ISCA1: variants seen among roughly 807,000 people sequenced by gnomAD.
ISCA1 encodes the protein iron-sulfur cluster assembly 1, also known as iron-sulfur cluster assembly 1 homolog, mitochondrial.
In ISCA1, 9 loss-of-function variants were observed where a neutral mutation model predicts 14.7. The ratio of observed to expected loss-of-function variants is 0.61; its 90% CI spans 0.37 to 1.07. ISCA1 has a LOEUF of 1.07. ISCA1 is among the 50% of genes least tolerant of loss of function. The pLI, the probability that ISCA1 is intolerant of heterozygous loss-of-function variation, is 0.01. For missense variants in ISCA1, 102 were observed against 150.1 expected (o/e 0.68, Z 1.67); for synonymous variants, 38 against 54.3 (o/e 0.70, Z 1.32).
At chr9:86,281,620 C>T (rs1314132213) in intron 1 of ISCA1, among the ~76,000 whole-genome samples, 2 of 152,200 alleles carry the variant, frequency 1.3e-5, no homozygotes, top group African/African-American at 4.8e-5. Flanking sequence ...ATTTTCCTTC[C>T]ACTAAAAAAC....
Position 86,272,027 on chromosome 9 carries a change from T to C in ISCA1, c.221A>G (p.Asp74Gly), listed in dbSNP as rs1198024496. The change falls in exon 3 of 4, where the codon GAT (aspartate) becomes GGT (glycine). Residue 74 changes from aspartate to glycine, a missense_variant. Physicochemically the swap from Asp to Gly is moderately conservative, Grantham distance 94. Coordinates refer to ENST00000375991, the MANE Select transcript of ISCA1 (RefSeq NM_030940.4). Reference sequence around the variant, plus strand: ...CTCACCATCTTGAATAACTTCTTCATCAGAATCTCCTTTTGTCTTTGTATA... The same window carrying C: ...CTCACCATCTTGAATAACTTCTTCACCAGAATCTCCTTTTGTCTTTGTATA... Reference protein sequence around the residue: ...LEYTKTKGDSDEEVIQDGVRV... With the variant: ...LEYTKTKGDSGEEVIQDGVRV... 1 of 1,596,874 alleles carries C rather than the reference T, an allele frequency of 6.3e-7. No homozygotes were observed. Among genetic ancestry groups the C allele is most frequent in the Admixed American group, 1.7e-5 (1 of 59,120 alleles).
intron 2 of ISCA1, among the ~76,000 whole-genome samples, chr9:86,273,051 C>T (rs114494692): frequency 1.3e-5 from 2 of 152,234 alleles, no homozygotes; most frequent in African/African-American, 4.8e-5. Context: ...TCTACAAAGC[C>T]GAATTCTTGT....
At chr9:86,272,166 AT>A in intron 2 of ISCA1, 54 bp from the exon 3 acceptor site, 4 of 1,043,112 alleles carry the variant, frequency 3.8e-6, no homozygotes, top group Non-Finnish European at 5.9e-6. Context: ...AGATTAAACA[AT>A]TATACTAATA....
chr9:86,274,677 AC>A (rs1171166205), intron 1 of ISCA1, among the ~76,000 whole-genome samples: 1 of 151,680 alleles, frequency 6.6e-6, no homozygotes, highest in Non-Finnish European at 1.5e-5. Flanking sequence ...TATTAATCCT[AC>A]TGCTTTTTTT....
In ISCA1 at chr9:86,282,420, C is replaced by T. The variant is rs1825533480; in HGVS notation, c.39G>A (p.Val13=). The change falls in exon 1 of 4, where the codon GTG becomes GTA. Residue 13 remains valine (V), a synonymous_variant. Coordinates refer to ENST00000375991, the MANE Select transcript of ISCA1 (RefSeq NM_030940.4). Reference sequence around the variant, plus strand: ...GGGTGGGCTGCAGCTTCCTCTTGCTCACAGCCCGGACAGTTGCCCGGACTA... The same window carrying T: ...GGGTGGGCTGCAGCTTCCTCTTGCTTACAGCCCGGACAGTTGCCCGGACTA... ...ASLVRATVRA[V]SKRKLQPTRA... 5 of 1,555,940 alleles carry T rather than the reference C, an allele frequency of 3.2e-6. No individual in the cohort carries two copies. The highest frequency in any genetic ancestry group is 4.3e-6 in the Non-Finnish European group (5 of 1,149,874).
chr9:86,266,273 T>C (rs1825292379), intron 3 of ISCA1, 82 bp from the exon 4 acceptor site: 8 of 1,507,910 alleles, frequency 5.3e-6, no homozygotes, highest in Non-Finnish European at 7.1e-6. Flanking sequence ...GAACTTGAAA[T>C]AGTGACTATC....
At chr9:86,271,743 G>T (rs2131222726) in intron 3 of ISCA1, among the ~76,000 whole-genome samples, 1 of 152,178 alleles carries the variant, frequency 6.6e-6, no homozygotes, top group South Asian at 2.1e-4. Context: ...AATTTTACTA[G>T]GCCACTTATT....
intron 2 of ISCA1, 122 bp downstream of exon 2, chr9:86,274,067 T>C: frequency 1.7e-6 from 1 of 600,596 alleles, no homozygotes; most frequent in Non-Finnish European, 2.9e-6. Context: ...TTAAAAATCC[T>C]GAGTATATTT....
At chr9:86,266,608 T>C (rs1190492694) in intron 3 of ISCA1, among the ~76,000 whole-genome samples, 1 of 152,140 alleles carries the variant, frequency 6.6e-6, no homozygotes, top group Non-Finnish European at 1.5e-5. Flanking sequence ...AGGACTGTGA[T>C]ACAATGGGGC....
chr9:86,273,060 G>A (rs1013079256), intron 2 of ISCA1, among the ~76,000 whole-genome samples: 5 of 152,156 alleles, frequency 3.3e-5, no homozygotes, highest in African/African-American at 9.7e-5. Context: ...CCGAATTCTT[G>A]TTTCATTAGG....
At chr9:86,275,422 TG>T (rs566692348) in intron 1 of ISCA1, among the ~76,000 whole-genome samples, 4 of 152,134 alleles carry the variant, frequency 2.6e-5, no homozygotes, top group Non-Finnish European at 5.9e-5. Context: ...GACTGACACC[TG>T]GAAGAGCCAG....
chr9:86,275,783 C>A (rs960916359), intron 1 of ISCA1, among the ~76,000 whole-genome samples: 2 of 152,090 alleles, frequency 1.3e-5, no homozygotes, highest in South Asian at 2.1e-4. Flanking sequence ...AGTCCTCCAA[C>A]GCAGGAAGTA....
At position 86,282,474 on chromosome 9, in the gene ISCA1, G is replaced by A. The variant is rs532205573; in HGVS notation, c.-16C>T. On this transcript the variant is annotated 5_prime_UTR_variant, in exon 1 of 4. Transcript: ENST00000375991. Reference sequence around the variant, plus strand: ...AAGCCGACATCTTCGCCGTCCCGGCGCCCCGGTGCCTCGGGCCGAAGGTCG... The same window carrying A: ...AAGCCGACATCTTCGCCGTCCCGGCACCCCGGTGCCTCGGGCCGAAGGTCG... The A allele has an allele frequency of 5.2e-6, 8 of 1,550,968 alleles. No individual in the cohort carries two copies. The Admixed American group carries it at 1.2e-4, about 23-fold the overall frequency.
At chr9:86,267,208 G>C (rs1403589882) in intron 3 of ISCA1, 4 of 488,656 alleles carry the variant, frequency 8.2e-6, no homozygotes, top group South Asian at 8.9e-5. Flanking sequence ...CTGGGTAAGA[G>C]AGCAAGACTC....
rs186155827 is a variant in ISCA1 at position 86,271,167 on chromosome 9, T to C, written c.241+840A>G. Among the ~76,000 whole-genome samples, 3 of 152,230 alleles carry C rather than the reference T, an allele frequency of 2.0e-5. No homozygotes were observed. The East Asian group carries it at 5.8e-4, about 29-fold the overall frequency. ...GTACGTTTACACAAATACTTACCAT[T>C]GTGTCAGAACTGTGCACAGTATTCA... On this transcript the variant is annotated intron_variant, in intron 3 of 3. Transcript: ENST00000375991.
At position 86,274,101 on chromosome 9, in the gene ISCA1, A is replaced by G. The variant is rs963458005; in HGVS notation, c.135+88T>C. The G allele has an allele frequency of 8.3e-6, 6 of 721,120 alleles. No individual in the cohort carries two copies. In the African/African-American group the frequency reaches 1.1e-4, roughly 13 times the overall value. The allele number at this position is 721,120 out of a possible 1,614,324, so 44.7% of individuals were successfully genotyped here. ...TTTACATTTTAAATAAAAACCCCTA[A>G]ATGAAATAATACTGTATATCATGGG... On this transcript the variant is annotated intron_variant, in intron 2 of 3. Transcript: ENST00000375991.
At chr9:86,271,782 G>A (rs1398012798) in intron 3 of ISCA1, among the ~76,000 whole-genome samples, 3 of 152,112 alleles carry the variant, frequency 2.0e-5, no homozygotes, top group African/African-American at 7.2e-5. Flanking sequence ...ACCCCTCTGT[G>A]CCTCAGTTTC....
chr9:86,272,356 T>A (rs1175800201), intron 2 of ISCA1, among the ~76,000 whole-genome samples: 1 of 152,176 alleles, frequency 6.6e-6, no homozygotes, highest in Non-Finnish European at 1.5e-5. Flanking sequence ...GGGACTTTAT[T>A]TAAAATGTCT....
Position 86,282,430 on chromosome 9 carries a change from A to C in ISCA1, c.29T>G (p.Val10Gly), listed in dbSNP as rs1587823007. The change falls in exon 1 of 4, where the codon GTC (valine) becomes GGC (glycine). Residue 10 changes from valine to glycine, a missense_variant. Coordinates refer to ENST00000375991, the MANE Select transcript of ISCA1 (RefSeq NM_030940.4). ...CAGCTTCCTCTTGCTCACAGCCCGG[A>C]CAGTTGCCCGGACTAAGGAAGCCGA... MSASLVRAT[V>G]RAVSKRKLQP... 6.4e-7 allele frequency: 1 copy of C among 1,555,990 alleles called. No individual in the cohort carries two copies. The highest frequency in any genetic ancestry group is 8.7e-7 in the Non-Finnish European group (1 of 1,149,898).
Sources: allele counts gnomAD v4.1 joint callset (sites outside exome capture counted in the v4.1 genomes callset), GRCh38; gene constraint gnomAD v4.1.1; transcripts MANE v1.5; gene names NCBI Gene and HGNC (gene_info 2026-07-23, HGNC 2026-07-21).